Variants in CDH13 observed in about 807,000 individuals in gnomAD.
CDH13 encodes the protein cadherin-13.
A neutral mutation model predicts 63.8 loss-of-function variants in CDH13; 24 were observed. That is an observed-to-expected ratio of 0.38 (90% CI 0.27 to 0.53). The LOEUF (loss-of-function observed/expected upper bound fraction) is 0.53, where lower values mean the gene tolerates loss of function less well. Among genes scored for constraint, CDH13 ranks in the 20% least tolerant of loss-of-function variants. The probability of loss-of-function intolerance (pLI) is 0.85; values close to 1 mark genes in which losing one functional copy is unlikely to be tolerated. For synonymous variants in CDH13, 503 were observed against 355.3 expected, an observed-to-expected ratio of 1.42 and a Z score of -4.67; for missense variants, 1,049 against 903.1, an observed-to-expected ratio of 1.16 and a Z score of -2.07.
At chr16:83,710,970 A>G (rs1907950314) in intron 10 of CDH13, among the ~76,000 whole-genome samples, 1 of 152,180 alleles carries the variant, frequency 6.6e-6, no homozygotes, top group Admixed American at 6.5e-5. Context: ...GCAAAATTCT[A>G]CAGGCATACT....
chr16:83,370,026 C>G (rs1041644760), intron 6 of CDH13, among the ~76,000 whole-genome samples: 1 of 152,218 alleles, frequency 6.6e-6, no homozygotes, highest in Non-Finnish European at 1.5e-5. Context: ...CCACTTGGAT[C>G]TCTCTGCCCG....
chr16:83,363,016 C>T (rs563703464), intron 6 of CDH13, among the ~76,000 whole-genome samples: 2 of 152,290 alleles, frequency 1.3e-5, no homozygotes, highest in Admixed American at 6.5e-5. Flanking sequence ...CTAATTGCAA[C>T]TCAAAGGATA....
At chr16:83,559,042 G>A (rs1478795551) in intron 7 of CDH13, among the ~76,000 whole-genome samples, 1 of 152,150 alleles carries the variant, frequency 6.6e-6, no homozygotes, top group African/African-American at 2.4e-5. Flanking sequence ...AGGAGTTCCT[G>A]GTGGGAGCTA....
intron 2 of CDH13, among the ~76,000 whole-genome samples, chr16:82,912,239 T>TTTC: frequency 6.6e-6 from 1 of 152,374 alleles, no homozygotes; most frequent in Middle Eastern, 3.4e-3. Context: ...AATATTTTCT[T>TTTC]AACTATTTAG....
At chr16:82,847,895 CT>C (rs33934390) in intron 1 of CDH13, among the ~76,000 whole-genome samples, 16 of 140,088 alleles carry the variant, frequency 1.1e-4, no homozygotes, top group East Asian at 2.1e-4. Context: ...TTGTGCTTCA[CT>C]TTTTTTTTTT....
chr16:83,059,248 A>G lies in CDH13; in HGVS notation c.366+27030A>G, dbSNP rs1301978391. ...ATTCTCAGAGTCATCCACCTGAAAA[A>G]TAGAGGGACTGGAGCCTTTTTTCCT... On this transcript the variant is annotated intron_variant, in intron 3 of 13. Coordinates refer to ENST00000567109, the MANE Select transcript of CDH13 (RefSeq NM_001257.5). 2.0e-5 allele frequency among the ~76,000 whole-genome samples: 3 copies of G among 152,304 alleles called. No homozygotes were observed. The East Asian group carries it at 5.8e-4, about 29-fold the overall frequency.
At position 83,132,251 on chromosome 16, in the gene CDH13, G is replaced by C. The variant is rs963400353; in HGVS notation, c.483+6750G>C. The stretch of plus-strand genomic sequence containing the variant: ...ACCCCTCTCCTGAAATGCAGACTCA[G>C]GGTTACTTGCTGTTGCCTGATTGAT... On this transcript the variant is annotated intron_variant, in intron 4 of 13. Transcript: ENST00000567109. 5.3e-5 allele frequency among the ~76,000 whole-genome samples: 8 copies of C among 152,178 alleles called. No homozygotes were observed. The East Asian group carries it at 9.7e-4, about 18-fold the overall frequency.
rs71146081 is a variant in CDH13 at position 82,627,337 on chromosome 16, C to CGTGTGTGTGTGT, written c.45+233_45+244dup. Among the ~76,000 whole-genome samples, 84 of 131,248 alleles carry CGTGTGTGTGTGT rather than the reference C, an allele frequency of 6.4e-4. 1 individual carries two copies. Among genetic ancestry groups the CGTGTGTGTGTGT allele is most frequent in the South Asian group, 3.7e-3 (13 of 3,478 alleles). 86.1% of individuals were successfully genotyped at this position (131,248 alleles called of 152,430 possible). On this transcript the variant is annotated intron_variant, in intron 1 of 13. Coordinates refer to ENST00000567109, the MANE Select transcript of CDH13 (RefSeq NM_001257.5). ...ACACACAGGCTCCCACTCTGGCGTG[C>CGTGTGTGTGTGT]GTGTGTGTGTGTGTGTGTGTGTGTG...
At chr16:82,884,569 G>T in intron 2 of CDH13, 1 of 185,938 alleles carries the variant, frequency 5.4e-6, no homozygotes, top group Admixed American at 5.5e-5. Flanking sequence ...GTCCCCTGTA[G>T]GTGTTTGACT....
intron 10 of CDH13, among the ~76,000 whole-genome samples, chr16:83,681,715 TGC>T (rs1490758730): frequency 1.1e-4 from 16 of 152,212 alleles, no homozygotes; most frequent in African/African-American, 3.9e-4. Flanking sequence ...ATTAATTATT[TGC>T]AGCCTTTGAT....
intron 5 of CDH13, among the ~76,000 whole-genome samples, chr16:83,229,421 C>T (rs1228122220): frequency 6.6e-6 from 1 of 152,024 alleles, no homozygotes; most frequent in African/African-American, 2.4e-5. Context: ...TGCACTGACT[C>T]GTTCTCCCCA....
In CDH13 at chr16:83,185,582, C is replaced by A. The variant is rs565424569; in HGVS notation, c.484-31763C>A. ...ATGATTTTTCATACTTGAACAGTAT[C>A]ACTTCATCTAAGGAATTTTCCCCAG... On this transcript the variant is annotated intron_variant, in intron 4 of 13. Transcript: ENST00000567109. Among the ~76,000 whole-genome samples, 11 of 152,302 alleles carry A rather than the reference C, an allele frequency of 7.2e-5. 1 individual carries two copies. In the South Asian group the frequency reaches 2.3e-3, roughly 32 times the overall value.
chr16:83,237,137 A>G (rs749375773), intron 5 of CDH13, among the ~76,000 whole-genome samples: 18 of 152,140 alleles, frequency 1.2e-4, no homozygotes, highest in Non-Finnish European at 2.4e-4. Context: ...GATGAAAACA[A>G]TTTTAGGAAA....
chr16:82,758,534 G>A (rs188378664), intron 1 of CDH13, among the ~76,000 whole-genome samples: 2 of 152,090 alleles, frequency 1.3e-5, no homozygotes, highest in Non-Finnish European at 1.5e-5. Flanking sequence ...CTGATTGAGC[G>A]GAGCTGTGCA....
At chr16:82,773,949 G>C (rs2035376078) in intron 1 of CDH13, among the ~76,000 whole-genome samples, 1 of 151,916 alleles carries the variant, frequency 6.6e-6, no homozygotes, top group African/African-American at 2.4e-5. Context: ...ACCCCTGGCT[G>C]ATTTTTTGTG....
At chr16:83,108,915 C>G (rs1052287418) in intron 3 of CDH13, among the ~76,000 whole-genome samples, 1 of 152,132 alleles carries the variant, frequency 6.6e-6, no homozygotes, top group Non-Finnish European at 1.5e-5. Flanking sequence ...CTGGAATTCT[C>G]CAGTGGGAAT....
chr16:83,146,345 A>C (rs1261069019), intron 4 of CDH13, among the ~76,000 whole-genome samples: 1 of 152,246 alleles, frequency 6.6e-6, no homozygotes, highest in Non-Finnish European at 1.5e-5. Context: ...ACCATGGCTT[A>C]TGCCATGTAG....
chr16:83,120,447 G>T (rs376114801), intron 3 of CDH13, among the ~76,000 whole-genome samples: 2 of 152,140 alleles, frequency 1.3e-5, no homozygotes, highest in Admixed American at 1.3e-4. Context: ...CATTATTGAT[G>T]ACACGGTGTG....
intron 4 of CDH13, among the ~76,000 whole-genome samples, chr16:83,169,953 G>T (rs1277616298): frequency 1.3e-5 from 2 of 152,022 alleles, no homozygotes; most frequent in Non-Finnish European, 2.9e-5. Flanking sequence ...TACTTTCGAT[G>T]TATGGTTTAA....
Sources: gnomAD v4.1 joint callset for allele counts (sites outside exome capture counted in the v4.1 genomes callset) on GRCh38, gnomAD v4.1.1 for gene constraint, MANE v1.5 for transcripts, NCBI Gene and HGNC (gene_info 2026-07-23, HGNC 2026-07-21) for gene names.